Variants in NIFK observed in about 807,000 individuals in gnomAD.
NIFK encodes nucleolar protein interacting with the FHA domain of MKI67, also known as MKI67 FHA domain-interacting nucleolar phosphoprotein.
In NIFK, 16 loss-of-function variants were observed where a neutral mutation model predicts 31.7. That is an observed-to-expected ratio of 0.50 (90% CI 0.34 to 0.77). The LOEUF is 0.77. Ranked by LOEUF, NIFK falls within the 30% of genes least tolerant of loss-of-function variation. The pLI, the probability that NIFK is intolerant of heterozygous loss-of-function variation, is 0.01. For missense variants in NIFK, 341 were observed against 350.4 expected, an observed-to-expected ratio of 0.97 and a Z score of 0.21; for synonymous variants, 126 against 123.0, an observed-to-expected ratio of 1.02 and a Z score of -0.16.
intron 4 of NIFK, among the ~76,000 whole-genome samples, chr2:121,729,367 C>CA (rs966976474): frequency 0.16 from 9,790 of 61,702 alleles, 1,107 homozygotes; most frequent in African/African-American, 0.35. Context: ...GACTCCATCT[C>CA]AAAAAAAAAA....
chr2:121,734,133 T>G (rs2074562764), intron 2 of NIFK, among the ~76,000 whole-genome samples: 1 of 151,406 alleles, frequency 6.6e-6, no homozygotes, highest in Non-Finnish European at 1.5e-5. Context: ...CTGTTTCTAC[T>G]AAAAATACAA....
At chr2:121,735,568 C>T in intron 2 of NIFK, 45 bp downstream of exon 2, 1 of 1,593,710 alleles carries the variant, frequency 6.3e-7, no homozygotes, top group Non-Finnish European at 8.6e-7. Flanking sequence ...AAGGATAATA[C>T]ACATTTGAAA....
Position 121,730,850 on chromosome 2 carries a change from C to G in NIFK, c.564+43G>C, listed in dbSNP as rs368162332. 9.9e-6 allele frequency: 14 copies of G among 1,408,974 alleles called. No homozygotes were observed. The South Asian group carries it at 1.2e-4, about 12-fold the overall frequency. The allele number at this position is 1,408,974 out of a possible 1,614,324, so 87.3% of individuals were successfully genotyped here. A position where few individuals can be genotyped will look rare whatever the true frequency, so the allele number is the denominator to read the frequency against. The stretch of plus-strand genomic sequence containing the variant: ...TACAAGGTACAAAGCTGCCCCCTCC[C>G]CTCCCCACAACAAACCACAAAAAAG... On this transcript the variant is annotated intron_variant, in intron 4 of 6. Coordinates refer to ENST00000285814, the MANE Select transcript of NIFK (RefSeq NM_032390.5).
At chr2:121,728,052 G>A in intron 6 of NIFK, 140 bp from the exon 7 acceptor site, 1 of 822,064 alleles carries the variant, frequency 1.2e-6, no homozygotes, top group Non-Finnish European at 1.9e-6. Flanking sequence ...TGATACTATT[G>A]CAAAGAATAA....
chr2:121,732,754 G>A (rs549211144), intron 2 of NIFK, among the ~76,000 whole-genome samples: 1 of 151,912 alleles, frequency 6.6e-6, no homozygotes, highest in Non-Finnish European at 1.5e-5. Flanking sequence ...GAGGCCGAGG[G>A]TGGATCATCT....
Position 121,727,809 on chromosome 2 carries a change from G to T in NIFK, c.797C>A (p.Pro266His). ...TATTTCTTCTTTTACACAGGATATG[G>T]GCTGTTTGAAAACTATTTCATCATC... is the stretch of plus-strand genomic sequence containing the variant. ...DKDDEIVFKQ[P>H]ISCVKEEIQE... Residue 266 changes from proline to histidine, a missense_variant, in exon 7 of 7, where the codon CCC becomes CAC. Physicochemically the swap from Pro to His is moderately conservative, Grantham distance 77. Coordinates refer to ENST00000285814, the MANE Select transcript of NIFK (RefSeq NM_032390.5). 1 of 1,612,296 alleles carries T rather than the reference G, an allele frequency of 6.2e-7. No homozygotes were observed. Among genetic ancestry groups the T allele is most frequent in the Non-Finnish European group, 8.5e-7 (1 of 1,179,560 alleles).
chr2:121,730,818 G>T, intron 4 of NIFK, 75 bp downstream of exon 4: 1 of 970,894 alleles, frequency 1.0e-6, no homozygotes, highest in South Asian at 1.3e-5. Context: ...TGCTAGGCTA[G>T]GTACTTTACA....
chr2:121,728,074 G>A lies in NIFK; in HGVS notation c.694-162C>T, dbSNP rs1573372203. The A allele has an allele frequency of 1.8e-5, 13 of 742,636 alleles. No individual in the cohort carries two copies. The East Asian group carries it at 3.7e-4, about 21-fold the overall frequency. 46.0% of individuals were successfully genotyped at this position (742,636 alleles called of 1,614,324 possible). Reference sequence around the variant, plus strand: ...ATTGCAAAGAATAAAGAACTTAGATGCTTATCAAACTTGGTACAGAAATTC... The same window carrying A: ...ATTGCAAAGAATAAAGAACTTAGATACTTATCAAACTTGGTACAGAAATTC... On this transcript the variant is annotated intron_variant, in intron 6 of 6. Transcript: ENST00000285814.
intron 2 of NIFK, 116 bp downstream of exon 2, chr2:121,735,497 C>T: frequency 1.8e-6 from 2 of 1,138,846 alleles, no homozygotes; most frequent in South Asian, 2.6e-5. Flanking sequence ...CTCCTCCACT[C>T]TCCTTTTTGG....
rs913903284 is a variant in NIFK at position 121,727,791 on chromosome 2, T to A, written c.815A>T (p.Glu272Val). The change falls in exon 7 of 7, where the codon GAA becomes GTA. Residue 272 changes from glutamate (E) to valine (V), a missense_variant. Coordinates refer to ENST00000285814, the MANE Select transcript of NIFK (RefSeq NM_032390.5). ...AGGTGTTTGAGTCTCTTGTATTTCT[T>A]CTTTTACACAGGATATGGGCTGTTT... is the stretch of plus-strand genomic sequence containing the variant. ...VFKQPISCVK[E>V]EIQETQTPTH... 1 of 1,609,704 alleles carries A rather than the reference T, an allele frequency of 6.2e-7. No homozygotes were observed. Among genetic ancestry groups the A allele is most frequent in the Non-Finnish European group, 8.5e-7 (1 of 1,179,196 alleles).
Position 121,731,021 on chromosome 2 carries a change from C to T in NIFK, c.436G>A (p.Val146Met). The T allele has an allele frequency of 6.2e-7, 1 of 1,612,978 alleles. No homozygotes were observed. The stretch of plus-strand genomic sequence containing the variant: ...GTCCGATTCCGATTATACCGTTTCA[C>T]TGATGGATATGATGGCTGCTTAAAT... ...IPFKQPSYPSVKRYNRNRTLT... is the reference protein window; with the variant it reads ...IPFKQPSYPSMKRYNRNRTLT... Residue 146 changes from valine (V) to methionine (M), a missense_variant, in exon 4 of 7, where the codon GTG becomes ATG. Physicochemically the swap from Val to Met is conservative, Grantham distance 21. Coordinates refer to ENST00000285814, the MANE Select transcript of NIFK (RefSeq NM_032390.5).
intron 4 of NIFK, 175 bp from the exon 5 acceptor site, chr2:121,728,711 A>C (rs2074513426): frequency 2.0e-6 from 1 of 512,562 alleles, no homozygotes; most frequent in East Asian, 3.2e-5. Flanking sequence ...ACTAGGAAAA[A>C]CCCAGTAGAG....
In NIFK at chr2:121,727,741, T is replaced by G. The variant is rs764950832; in HGVS notation, c.865A>C (p.Arg289=). The part of the protein sequence containing the change: ...TPTHSRKKRR[R]SSNQ Reference sequence around the variant, plus strand: ...ATTGAAAATCACTGATTGCTGCTTCTTCGTCTTTTTTTCCGTGAATGTGTA... The same window carrying G: ...ATTGAAAATCACTGATTGCTGCTTCGTCGTCTTTTTTTCCGTGAATGTGTA... The change falls in exon 7 of 7, where the codon AGA becomes CGA. Residue 289 remains arginine (R), a synonymous_variant. Transcript: ENST00000285814. 3 of 1,599,970 alleles carry G rather than the reference T, an allele frequency of 1.9e-6. No individual in the cohort carries two copies. The South Asian group carries it at 3.5e-5, about 18-fold the overall frequency.
intron 2 of NIFK, among the ~76,000 whole-genome samples, chr2:121,733,562 C>A (rs915340799): frequency 4.0e-5 from 6 of 151,324 alleles, no homozygotes; most frequent in African/African-American, 1.5e-4. Context: ...ACCTATAATC[C>A]CAGCTACTCG....
chr2:121,734,588 C>T (rs900461770), intron 2 of NIFK, among the ~76,000 whole-genome samples: 16 of 151,786 alleles, frequency 1.1e-4, no homozygotes, highest in Admixed American at 5.2e-4. Flanking sequence ...GTCAGGAGTT[C>T]GAGACCAGCC....
chr2:121,735,325 G>A (rs1389465490), intron 2 of NIFK, among the ~76,000 whole-genome samples: 3 of 152,206 alleles, frequency 2.0e-5, no homozygotes, highest in African/African-American at 4.8e-5. Context: ...TTATAAGGAT[G>A]CTTGTACCAA....
At chr2:121,729,775 G>T (rs974940219) in intron 4 of NIFK, among the ~76,000 whole-genome samples, 6 of 152,056 alleles carry the variant, frequency 3.9e-5, no homozygotes, top group Non-Finnish European at 7.4e-5. Context: ...TTAAATAGTG[G>T]GTTTACTTCA....
At chr2:121,731,423 A>G (rs998625445) in intron 3 of NIFK, among the ~76,000 whole-genome samples, 1 of 152,170 alleles carries the variant, frequency 6.6e-6, no homozygotes, top group Non-Finnish European at 1.5e-5. Context: ...AGGGGGCTTC[A>G]CTGGCTTCTT....
chr2:121,727,931 G>GATT lies in NIFK; in HGVS notation c.694-22_694-20dup. The GATT allele has an allele frequency of 1.3e-6, 2 of 1,565,520 alleles. No homozygotes were observed. The highest frequency in any genetic ancestry group is 1.7e-6 in the Non-Finnish European group (2 of 1,162,834). On this transcript the variant is annotated intron_variant, in intron 6 of 6. Transcript: ENST00000285814. ...TGGGGCCCTGGATTCAACAAGTAAA[G>GATT]ATTATAATACATAAATGTAAAACAT...
Sources: allele counts gnomAD v4.1 joint callset (sites outside exome capture counted in the v4.1 genomes callset), GRCh38; gene constraint gnomAD v4.1.1; transcripts MANE v1.5; gene names NCBI Gene and HGNC (gene_info 2026-07-23, HGNC 2026-07-21).